Variants in LRRC7 observed in about 807,000 individuals in gnomAD.
LRRC7 encodes the protein leucine-rich repeat-containing protein 7.
In LRRC7, 23 loss-of-function variants were observed where a neutral mutation model predicts 175.7. The observed-to-expected ratio is 0.13, with a 90% CI of 0.09 to 0.19. The LOEUF (loss-of-function observed/expected upper bound fraction) is 0.19, where lower values mean the gene tolerates loss of function less well. Among genes scored for constraint, LRRC7 ranks in the 10% least tolerant of loss-of-function variants. LRRC7 has a pLI of 1.00. For synonymous variants in LRRC7, 685 were observed against 680.9 expected (o/e 1.01, Z -0.09); for missense variants, 1,354 against 1,904.7 (o/e 0.71, Z 5.38).
chr1:70,025,041 TAAGTA>T (rs936967699), intron 17 of LRRC7, among the ~76,000 whole-genome samples: 10 of 152,092 alleles, frequency 6.6e-5, no homozygotes, highest in African/African-American at 2.4e-4. Flanking sequence ...CACTCTGAGC[TAAGTA>T]ACACTTGTGT....
chr1:69,701,801 T>C (rs2100698316), intron 2 of LRRC7, among the ~76,000 whole-genome samples: 1 of 152,326 alleles, frequency 6.6e-6, no homozygotes, highest in South Asian at 2.1e-4. Context: ...AGCATGGTAT[T>C]TTAGAAACAG....
chr1:69,646,185 CTA>C (rs1472544940), intron 1 of LRRC7, among the ~76,000 whole-genome samples: 5 of 151,918 alleles, frequency 3.3e-5, no homozygotes, highest in African/African-American at 1.2e-4. Flanking sequence ...ATTTTTGTAA[CTA>C]TAACTTAAAA....
chr1:69,960,350 G>GTT (rs1650929016), intron 8 of LRRC7, among the ~76,000 whole-genome samples: 1 of 151,862 alleles, frequency 6.6e-6, no homozygotes, highest in South Asian at 2.1e-4. Context: ...ATTTTTTATT[G>GTT]TGCCTATTTG....
chr1:69,910,444 G>T (rs954592611), intron 7 of LRRC7, among the ~76,000 whole-genome samples: 11 of 152,172 alleles, frequency 7.2e-5, no homozygotes, highest in African/African-American at 2.7e-4. Flanking sequence ...TTTGCTAGAG[G>T]TCCACTCCAG....
chr1:69,763,095 A>C (rs1671217487), intron 3 of LRRC7, among the ~76,000 whole-genome samples: 1 of 152,060 alleles, frequency 6.6e-6, no homozygotes, highest in African/African-American at 2.4e-5. Flanking sequence ...GGAAATACAA[A>C]AATGAAAGGA....
At chr1:70,035,697 C>A (rs943568056) in intron 18 of LRRC7, among the ~76,000 whole-genome samples, 1 of 150,824 alleles carries the variant, frequency 6.6e-6, no homozygotes, top group African/African-American at 2.4e-5. Flanking sequence ...TAGAGTTAAC[C>A]ACTTAGAACA....
intron 3 of LRRC7, among the ~76,000 whole-genome samples, chr1:69,781,682 AAAAAAG>A: frequency 1.1e-5 from 1 of 94,472 alleles, no homozygotes; most frequent in Non-Finnish European, 2.2e-5. Flanking sequence ...ACTGTCTCAA[AAAAAAG>A]AAGAAAGAAA....
chr1:69,891,868 T>C (rs534713376), intron 7 of LRRC7, among the ~76,000 whole-genome samples: 1 of 152,234 alleles, frequency 6.6e-6, no homozygotes, highest in South Asian at 2.1e-4. Context: ...ATAGACTTGC[T>C]CAACACAGGG....
intron 16 of LRRC7, chr1:70,022,113 T>A (rs1657570393): frequency 6.6e-6 from 1 of 152,166 alleles, no homozygotes; most frequent in South Asian, 2.1e-4. Flanking sequence ...CCAAAATGGA[T>A]TCCCAAATCC....
At chr1:69,610,490 T>C (rs923750406) in intron 1 of LRRC7, among the ~76,000 whole-genome samples, 19 of 152,040 alleles carry the variant, frequency 1.2e-4, no homozygotes, top group African/African-American at 4.1e-4. Context: ...GATGACTTCT[T>C]GTTGTTTTCT....
intron 1 of LRRC7, among the ~76,000 whole-genome samples, chr1:69,618,898 G>A (rs1650100218): frequency 6.6e-6 from 1 of 152,154 alleles, no homozygotes; most frequent in African/African-American, 2.4e-5. Flanking sequence ...CTTGCCACCT[G>A]TGTTCCAAAC....
At chr1:69,685,945 A>C (rs571149658) in intron 2 of LRRC7, among the ~76,000 whole-genome samples, 1 of 152,206 alleles carries the variant, frequency 6.6e-6, no homozygotes, top group South Asian at 2.1e-4. Flanking sequence ...TAAACTTGTG[A>C]GAACCAAAGA....
intron 7 of LRRC7, among the ~76,000 whole-genome samples, chr1:69,882,848 G>A (rs866224008): frequency 1.4e-5 from 2 of 146,858 alleles, no homozygotes; most frequent in Non-Finnish European, 3.0e-5. Flanking sequence ...CCACCTATGA[G>A]TGAGAATATG....
intron 1 of LRRC7, among the ~76,000 whole-genome samples, chr1:69,618,587 C>T (rs995644207): frequency 6.6e-6 from 1 of 152,150 alleles, no homozygotes; most frequent in African/African-American, 2.4e-5. Context: ...TGCAAGAAGC[C>T]TACAAGTAGT....
chr1:69,849,703 G>C (rs1682764095), intron 7 of LRRC7, among the ~76,000 whole-genome samples: 1 of 151,622 alleles, frequency 6.6e-6, no homozygotes, highest in Non-Finnish European at 1.5e-5. Flanking sequence ...TGGCATTCCA[G>C]GCTCTTCACA....
intron 7 of LRRC7, among the ~76,000 whole-genome samples, chr1:69,847,201 A>G (rs545199526): frequency 3.3e-5 from 5 of 152,108 alleles, no homozygotes; most frequent in Non-Finnish European, 7.4e-5. Flanking sequence ...CATGTATCTT[A>G]TAAATTCATT....
At position 69,709,008 on chromosome 1, in the gene LRRC7, G is replaced by A. The variant is rs12081823; in HGVS notation, c.100+30530G>A. ...ATTAAATATTTCTGAAATATTATCC[G>A]ATCTACTACAAAAAGGCTTCCCTGT... On this transcript the variant is annotated intron_variant, in intron 2 of 26. Coordinates refer to ENST00000651989, the MANE Select transcript of LRRC7 (RefSeq NM_001370785.2). Among the ~76,000 whole-genome samples the A allele has an allele frequency of 9.1e-3, 1,384 of 152,240 alleles. 25 individuals carry two copies. The highest frequency in any genetic ancestry group is 0.032 in the African/African-American group (1,344 of 41,526).
At chr1:69,895,409 A>G (rs1426845627) in intron 7 of LRRC7, among the ~76,000 whole-genome samples, 2 of 152,206 alleles carry the variant, frequency 1.3e-5, no homozygotes, top group African/African-American at 2.4e-5. Context: ...TTTATAATAT[A>G]TACAAACTCA....
chr1:70,134,843 G>A lies in LRRC7; in HGVS notation c.*12956G>A, dbSNP rs1441822325. Among the ~76,000 whole-genome samples the A allele has an allele frequency of 3.9e-5, 6 of 152,096 alleles. No homozygotes were observed. The highest frequency in any genetic ancestry group is 8.8e-5 in the Non-Finnish European group (6 of 68,014). On this transcript the variant is annotated 3_prime_UTR_variant, in exon 27 of 27. Transcript: ENST00000651989. Reference sequence around the variant, plus strand: ...AATATCTCCTTAACAAATTTAAATTGTACACAACAGTGCCACCCATTTTAA... The same window carrying A: ...AATATCTCCTTAACAAATTTAAATTATACACAACAGTGCCACCCATTTTAA...
Sources: allele counts gnomAD v4.1 joint callset (sites outside exome capture counted in the v4.1 genomes callset), GRCh38; gene constraint gnomAD v4.1.1; transcripts MANE v1.5; gene names NCBI Gene and HGNC (gene_info 2026-07-23, HGNC 2026-07-21).